Variants in GET1 observed in about 807,000 individuals in gnomAD.
The protein encoded by GET1 is congenital heart disease 5 protein.
In GET1, 20 loss-of-function variants were observed where a neutral mutation model predicts 22.6. The ratio of observed to expected loss-of-function variants is 0.89; its 90% CI spans 0.62 to 1.29. The LOEUF (loss-of-function observed/expected upper bound fraction) is 1.29, where lower values mean the gene tolerates loss of function less well. GET1 is among the 50% of genes most tolerant of loss of function. The pLI, the probability that GET1 is intolerant of heterozygous loss-of-function variation, is 0.00. For missense variants in GET1, 209 were observed against 219.9 expected (o/e 0.95, Z 0.31); for synonymous variants, 92 against 83.8 (o/e 1.10, Z -0.53).
chr21:39,403,067 C>A (rs1313847317), intron 4 of GET1, among the ~76,000 whole-genome samples: 3 of 152,176 alleles, frequency 2.0e-5, no homozygotes. Flanking sequence ...CCTCTGTCTG[C>A]TATGAAGCTG....
chr21:39,417,825 G>T (rs1486435816), intron 1 of GET1, among the ~76,000 whole-genome samples: 1 of 151,978 alleles, frequency 6.6e-6, no homozygotes, highest in African/African-American at 2.4e-5. Context: ...GAGTGCGGTG[G>T]CGTGATCTCC....
intron 1 of GET1, among the ~76,000 whole-genome samples, chr21:39,418,657 G>A (rs2147516658): frequency 6.6e-6 from 1 of 152,112 alleles, no homozygotes; most frequent in Admixed American, 6.5e-5. Context: ...GCATCACCAT[G>A]CCAAGCTAAT....
chr21:39,397,108 C>A lies in GET1; in HGVS notation c.*169C>A, dbSNP rs1243529147. ...TTATGAGAGAGTCTTATAAGAATCA[C>A]GATTTTCTACACCTGTCATTGAGCC... On this transcript the variant is annotated 3_prime_UTR_variant, in exon 5 of 5. Transcript: ENST00000649170. 1.5e-6 allele frequency: 1 copy of A among 681,412 alleles called. No homozygotes were observed. The highest frequency in any genetic ancestry group is 2.9e-5 in the Admixed American group (1 of 33,952). 42.2% of individuals were successfully genotyped at this position (681,412 alleles called of 1,614,324 possible).
intron 1 of GET1, 90 bp from the exon 2 acceptor site, chr21:39,390,608 T>G: frequency 4.0e-6 from 6 of 1,518,170 alleles, no homozygotes; most frequent in Non-Finnish European, 5.3e-6. Flanking sequence ...CACAGAGTGG[T>G]CAGGGCATAG....
At chr21:39,393,610 G>T (rs771090887) in intron 4 of GET1, among the ~76,000 whole-genome samples, 2 of 152,036 alleles carry the variant, frequency 1.3e-5, no homozygotes, top group Non-Finnish European at 1.5e-5. Flanking sequence ...CCCTATTATG[G>T]TTGGCTTCTC....
At chr21:39,385,483 T>C (rs991988513) in intron 1 of GET1, among the ~76,000 whole-genome samples, 4 of 152,142 alleles carry the variant, frequency 2.6e-5, no homozygotes, top group Non-Finnish European at 5.9e-5. Context: ...CTGGGATCGC[T>C]CCCTTCTCTT....
At chr21:39,389,706 G>A (rs902196490) in intron 1 of GET1, among the ~76,000 whole-genome samples, 9 of 152,100 alleles carry the variant, frequency 5.9e-5, no homozygotes, top group African/African-American at 2.2e-4. Flanking sequence ...GTATCACCAT[G>A]CCTGGCCCTG....
chr21:39,416,661 AT>A (rs111455209), intron 1 of GET1, among the ~76,000 whole-genome samples: 34,855 of 149,526 alleles, frequency 0.23, 4,348 homozygotes, highest in African/African-American at 0.33. Context: ...TTACTTCTGT[AT>A]TTTTTTTTTG....
At chr21:39,395,423 G>A (rs1165720501) in intron 4 of GET1, among the ~76,000 whole-genome samples, 2 of 151,790 alleles carry the variant, frequency 1.3e-5, no homozygotes, top group African/African-American at 4.8e-5. Flanking sequence ...GGAGTGCAGT[G>A]GTGTGATCTC....
At chr21:39,411,377 C>A (rs1028635431), downstream of GET1, among the ~76,000 whole-genome samples, 3 of 152,142 alleles carry the variant, frequency 2.0e-5, no homozygotes, top group Non-Finnish European at 4.4e-5. Context: ...GTCAAGTATA[C>A]CCCAATAAAG....
intron 1 of GET1, among the ~76,000 whole-genome samples, chr21:39,426,400 A>G (rs1159328073): frequency 6.6e-6 from 1 of 152,200 alleles, no homozygotes; most frequent in Non-Finnish European, 1.5e-5. Flanking sequence ...GCCCTCTTGC[A>G]TGATCCCACA....
At chr21:39,381,647 A>G (rs2146896772) in intron 1 of GET1, among the ~76,000 whole-genome samples, 1 of 152,322 alleles carries the variant, frequency 6.6e-6, no homozygotes, top group Non-Finnish European at 1.5e-5. Flanking sequence ...CTTGTTTTTA[A>G]TTGTAAAATA....
exon 5 of GET1, chr21:39,406,142 T>C: frequency 1.2e-6 from 2 of 1,614,258 alleles, no homozygotes; most frequent in Non-Finnish European, 8.5e-7. Flanking sequence ...TCCTTCACTT[T>C]TATTCTGGAA....
chr21:39,411,620 G>T, intron 1 of GET1: 1 of 571,280 alleles, frequency 1.8e-6, no homozygotes, highest in Non-Finnish European at 3.1e-6. Context: ...GCCTAATGAA[G>T]TGATTTTTGA....
chr21:39,401,435 A>C (rs946531214), downstream of GET1, among the ~76,000 whole-genome samples: 1 of 152,230 alleles, frequency 6.6e-6, no homozygotes, highest in Non-Finnish European at 1.5e-5. Flanking sequence ...AAAGAATAAA[A>C]ATACAATACA....
intron 1 of GET1, among the ~76,000 whole-genome samples, chr21:39,389,180 A>G (rs1305462856): frequency 6.6e-6 from 1 of 152,008 alleles, no homozygotes. Flanking sequence ...CCATGTTGCC[A>G]AGGCTGGTCT....
intron 1 of GET1, among the ~76,000 whole-genome samples, chr21:39,387,067 C>T (rs1284473617): frequency 1.3e-5 from 2 of 152,172 alleles, no homozygotes; most frequent in African/African-American, 4.8e-5. Flanking sequence ...GCTATGTTGC[C>T]CCGCCTGGTC....
downstream of GET1, among the ~76,000 whole-genome samples, chr21:39,400,163 T>G (rs954632807): frequency 1.3e-5 from 2 of 150,730 alleles, no homozygotes; most frequent in African/African-American, 2.4e-5. Flanking sequence ...ATGGGAGAGG[T>G]GTGTGTGTGT....
At chr21:39,381,113 C>T (rs1367600851) in intron 1 of GET1, among the ~76,000 whole-genome samples, 1 of 152,100 alleles carries the variant, frequency 6.6e-6, no homozygotes, top group Non-Finnish European at 1.5e-5. Context: ...GAGTCTGGCT[C>T]AAGAGAATTT....
Sources: allele counts gnomAD v4.1 joint callset (sites outside exome capture counted in the v4.1 genomes callset), GRCh38; gene constraint gnomAD v4.1.1; transcripts MANE v1.5; gene names NCBI Gene and HGNC (gene_info 2026-07-23, HGNC 2026-07-21).